Variants in FRMD4B observed in about 807,000 individuals in gnomAD.
FRMD4B encodes FERM domain containing 4B.
Under a neutral mutation model 141.5 loss-of-function variants are expected in FRMD4B, and 74 were observed. The ratio of observed to expected loss-of-function variants is 0.52; its 90% CI spans 0.43 to 0.63. FRMD4B has a LOEUF of 0.63. Among genes scored for constraint, FRMD4B ranks in the 30% least tolerant of loss-of-function variants. The pLI, the probability that FRMD4B is intolerant of heterozygous loss-of-function variation, is 0.00. For synonymous variants in FRMD4B, 506 were observed against 467.9 expected (o/e 1.08, Z -1.05); for missense variants, 1,366 against 1,253.4 (o/e 1.09, Z -1.36).
At chr3:69,187,717 G>T (rs1363555921) in intron 19 of FRMD4B, 53 bp downstream of exon 19, 25 of 1,539,212 alleles carry the variant, frequency 1.6e-5, no homozygotes, top group East Asian at 1.4e-4. Context: ...CATTTTGGAG[G>T]AAAAATTTCC....
chr3:69,323,062 AG>A (rs933328868), intron 1 of FRMD4B: 19 of 898,156 alleles, frequency 2.1e-5, no homozygotes, highest in Middle Eastern at 5.7e-4. Flanking sequence ...ACAATGAGGG[AG>A]GGAGAAAAGC....
chr3:69,423,149 G>T (rs868417735), intron 2 of FRMD4B, among the ~76,000 whole-genome samples: 1 of 152,114 alleles, frequency 6.6e-6, no homozygotes, highest in Non-Finnish European at 1.5e-5. Flanking sequence ...AATACTCAAG[G>T]TACTTTTTTG....
At chr3:69,386,243 G>A (rs1298571132), upstream of FRMD4B, 5 of 398,580 alleles carry the variant, frequency 1.3e-5, no homozygotes, top group East Asian at 1.7e-4. Context: ...TCGCAGCGCC[G>A]AGCAAGCTGT....
chr3:69,365,982 G>C (rs948423187), intron 1 of FRMD4B, among the ~76,000 whole-genome samples: 8 of 151,358 alleles, frequency 5.3e-5, no homozygotes, highest in African/African-American at 1.7e-4. Flanking sequence ...ACTTTGAGAG[G>C]CTGAGGAGGG....
chr3:69,354,021 G>C (rs1490668781), intron 1 of FRMD4B, among the ~76,000 whole-genome samples: 1 of 152,164 alleles, frequency 6.6e-6, no homozygotes, highest in Admixed American at 6.5e-5. Context: ...TTCTGGATGA[G>C]GCTGGGAATT....
At chr3:69,223,924 T>G (rs1022713198) in intron 8 of FRMD4B, among the ~76,000 whole-genome samples, 7 of 152,218 alleles carry the variant, frequency 4.6e-5, no homozygotes, top group Non-Finnish European at 5.9e-5. Context: ...AGTACTTACT[T>G]TCACTATATA....
At chr3:69,193,063 C>T (rs544597185) in intron 17 of FRMD4B, among the ~76,000 whole-genome samples, 31 of 152,000 alleles carry the variant, frequency 2.0e-4, no homozygotes, top group African/African-American at 7.0e-4. Context: ...TCAAGTGATC[C>T]GCTCACCTCA....
At chr3:69,420,195 A>G (rs1704947530) in intron 2 of FRMD4B, among the ~76,000 whole-genome samples, 1 of 151,416 alleles carries the variant, frequency 6.6e-6, no homozygotes, top group South Asian at 2.1e-4. Flanking sequence ...GATAAGCAAA[A>G]TAATCCCTGG....
At chr3:69,283,560 G>C (rs11720834) in intron 5 of FRMD4B, among the ~76,000 whole-genome samples, 60,215 of 152,008 alleles carry the variant, frequency 0.4, 12,537 homozygotes, top group Non-Finnish European at 0.45. Flanking sequence ...AGGTACAAGA[G>C]AAACGTCATG....
chr3:69,212,359 CAAAAAAAAAAAA>C lies in FRMD4B; in HGVS notation c.876+3892_876+3903del, dbSNP rs869309749. Among the ~76,000 whole-genome samples, 20 of 25,360 alleles carry C rather than the reference CAAAAAAAAAAAA, an allele frequency of 7.9e-4. No individual in the cohort carries two copies. The Admixed American group carries it at 0.012, about 15-fold the overall frequency. The allele number at this position is 25,360 out of a possible 152,430, so 16.6% of individuals were successfully genotyped here. A position where few individuals can be genotyped will look rare whatever the true frequency, so the allele number is the denominator to read the frequency against. On this transcript the variant is annotated intron_variant, in intron 11 of 22. Coordinates refer to ENST00000398540, the MANE Select transcript of FRMD4B (RefSeq NM_015123.3). ...TGGGCAACAGAGCGAAACCCCGTCTCAAAAAAAAAAAAAAAAAAAAAGAAAAAAAAAAAGAAA... is the reference window on the plus strand; with the variant it reads ...TGGGCAACAGAGCGAAACCCCGTCTCAAAAAAAAAGAAAAAAAAAAAGAAA...
intron 4 of FRMD4B, among the ~76,000 whole-genome samples, chr3:69,301,888 C>T (rs1481474856): frequency 6.6e-6 from 1 of 152,148 alleles, no homozygotes; most frequent in African/African-American, 2.4e-5. Context: ...ATTTTATCCT[C>T]TATTCAAATT....
chr3:69,322,590 CTCTCTTTTTTTTTTT>C (rs1702043828), intron 1 of FRMD4B, among the ~76,000 whole-genome samples: 1 of 134,546 alleles, frequency 7.4e-6, no homozygotes, highest in African/African-American at 2.7e-5. Context: ...ATTTTTCTCT[CTCTCTTTTTTTTTTT>C]TTTTTTTTTG....
chr3:69,473,753 A>G (rs9836194), intron 1 of FRMD4B, among the ~76,000 whole-genome samples: 2 of 152,158 alleles, frequency 1.3e-5, no homozygotes, highest in Non-Finnish European at 2.9e-5. Flanking sequence ...GCTGAATATG[A>G]CATAAAAATT....
intron 1 of FRMD4B, among the ~76,000 whole-genome samples, chr3:69,523,186 G>A (rs751048424): frequency 2.0e-5 from 3 of 151,696 alleles, no homozygotes; most frequent in Non-Finnish European, 2.9e-5. Context: ...TGATCATATC[G>A]TATGATTATT....
intron 1 of FRMD4B, among the ~76,000 whole-genome samples, chr3:69,475,117 A>G (rs1306427541): frequency 6.6e-6 from 1 of 152,102 alleles, no homozygotes; most frequent in Admixed American, 6.6e-5. Context: ...GTTATTACTT[A>G]CCTCACTAGT....
chr3:69,171,849 T>G lies in FRMD4B; in HGVS notation c.*12A>C. 1 of 1,609,590 alleles carries G rather than the reference T, an allele frequency of 6.2e-7. No homozygotes were observed. The highest frequency in any genetic ancestry group is 8.5e-7 in the Non-Finnish European group (1 of 1,176,776). Reference sequence around the variant, plus strand: ...GAGAACGCAGTGCTTGGTCAGGAGGTCCAACTGCAGTTCAGACTAATGTTC... The same window carrying G: ...GAGAACGCAGTGCTTGGTCAGGAGGGCCAACTGCAGTTCAGACTAATGTTC... On this transcript the variant is annotated 3_prime_UTR_variant, in exon 23 of 23. Transcript: ENST00000398540.
rs1369093407 is a variant in FRMD4B, at chr3:69,276,392, C to T, written c.501+11360G>A. Among the ~76,000 whole-genome samples, 5 of 152,066 alleles carry T rather than the reference C, an allele frequency of 3.3e-5. No individual in the cohort carries two copies. The East Asian group carries it at 7.7e-4, about 24-fold the overall frequency. ...GGCTCAAGTGATCCGCCCACCTCAG[C>T]CTCCTGAGTAGCTGGGACTACAGGC... is the stretch of plus-strand genomic sequence containing the variant. On this transcript the variant is annotated intron_variant, in intron 5 of 22. Transcript: ENST00000398540.
In FRMD4B at chr3:69,500,201, T is replaced by C. The variant is rs141356278; in HGVS notation, c.-129+42005A>G. 6.3e-4 allele frequency among the ~76,000 whole-genome samples: 96 copies of C among 152,330 alleles called. 1 individual carries two copies. The highest frequency in any genetic ancestry group is 2.2e-3 in the African/African-American group (91 of 41,568). On this transcript the variant is annotated intron_variant, in intron 1 of 5. Coordinates refer to the FRMD4B transcript ENST00000459638. ...GGGGTGAGCTGTCCCCGGGCTGCTC[T>C]GGAGTTGGCTTCAGACAAGAGACTA...
intron 1 of FRMD4B, among the ~76,000 whole-genome samples, chr3:69,343,689 C>CT (rs1575749081): frequency 6.6e-6 from 1 of 151,092 alleles, no homozygotes; most frequent in East Asian, 1.9e-4. Context: ...AAGTGATTCC[C>CT]CTGCCTCAGC....
Sources: gnomAD v4.1 joint callset for allele counts (sites outside exome capture counted in the v4.1 genomes callset) on GRCh38, gnomAD v4.1.1 for gene constraint, MANE v1.5 for transcripts, NCBI Gene and HGNC (gene_info 2026-07-23, HGNC 2026-07-21) for gene names.